The following NAV2 variants were observed in gnomAD, a reference collection of about 807,000 sequenced individuals.
NAV2 encodes neuron navigator 2, also known as helicase, APC down-regulated 1.
NAV2 carries 54 observed loss-of-function variants against 223.2 expected under a neutral mutation model. That is an observed-to-expected ratio of 0.24 (90% confidence interval 0.19 to 0.30). The LOEUF is 0.30. Ranked by LOEUF, NAV2 falls within the 10% of genes least tolerant of loss-of-function variation. The pLI, the probability that NAV2 is intolerant of heterozygous loss-of-function variation, is 1.00. For missense variants in NAV2, 2,806 were observed against 3,147.5 expected (o/e 0.89, Z 2.60); for synonymous variants, 1,279 against 1,239.3 (o/e 1.03, Z -0.67).
chr11:20,065,897 C>T (rs368863317), intron 20 of NAV2, among the ~76,000 whole-genome samples: 3 of 152,154 alleles, frequency 2.0e-5, no homozygotes, highest in African/African-American at 7.2e-5. Context: ...TGGAAAGCCC[C>T]CGTGAGAATG....
intron 1 of NAV2, among the ~76,000 whole-genome samples, chr11:19,615,467 T>C (rs1053082100): frequency 6.6e-6 from 1 of 151,946 alleles, no homozygotes; most frequent in Non-Finnish European, 1.5e-5. Flanking sequence ...CTGTTTTGCG[T>C]TTATTATTGT....
At chr11:19,587,176 C>T (rs1318298948) in intron 1 of NAV2, among the ~76,000 whole-genome samples, 1 of 152,202 alleles carries the variant, frequency 6.6e-6, no homozygotes, top group Non-Finnish European at 1.5e-5. Flanking sequence ...ACCCTCCGAG[C>T]CAGGTGCAGG....
At chr11:19,777,208 C>T (rs1428971081) in intron 1 of NAV2, among the ~76,000 whole-genome samples, 2 of 150,506 alleles carry the variant, frequency 1.3e-5, no homozygotes, top group Admixed American at 1.3e-4. Flanking sequence ...GGGAGGCCGG[C>T]GGGGAGCGAG....
intron 1 of NAV2, among the ~76,000 whole-genome samples, chr11:19,436,215 GT>G (rs1851210686): frequency 6.6e-6 from 1 of 152,052 alleles, no homozygotes; most frequent in Non-Finnish European, 1.5e-5. Flanking sequence ...ATATTTAAGT[GT>G]TTAAGTCTTT....
chr11:20,026,079 C>T (rs1414239203), intron 11 of NAV2, among the ~76,000 whole-genome samples: 5 of 152,134 alleles, frequency 3.3e-5, no homozygotes, highest in Non-Finnish European at 7.3e-5. Flanking sequence ...CAAACACAGA[C>T]CTATTTTCAT....
At chr11:19,885,104 A>G (rs924443356) in intron 5 of NAV2, among the ~76,000 whole-genome samples, 1 of 152,208 alleles carries the variant, frequency 6.6e-6, no homozygotes, top group Non-Finnish European at 1.5e-5. Context: ...TTTTCAAGGT[A>G]TCAACAGCTA....
chr11:19,550,511 C>T (rs779860249), intron 1 of NAV2, among the ~76,000 whole-genome samples: 2 of 152,152 alleles, frequency 1.3e-5, no homozygotes, highest in African/African-American at 2.4e-5. Flanking sequence ...AAAGGCAGAT[C>T]GATACAGGGT....
chr11:19,378,393 G>A (rs1033245391), intron 1 of NAV2, among the ~76,000 whole-genome samples: 1 of 152,142 alleles, frequency 6.6e-6, no homozygotes, highest in Non-Finnish European at 1.5e-5. Context: ...GCTCGGTGGG[G>A]CCTATGGTGC....
intron 1 of NAV2, among the ~76,000 whole-genome samples, chr11:19,483,456 C>T (rs2042342357): frequency 6.6e-6 from 1 of 152,114 alleles, no homozygotes; most frequent in South Asian, 2.1e-4. Flanking sequence ...CCCCAAAGCA[C>T]AAGGGTAGTG....
intron 1 of NAV2, among the ~76,000 whole-genome samples, chr11:19,531,807 A>C (rs2044034876): frequency 6.6e-6 from 1 of 152,184 alleles, no homozygotes; most frequent in Admixed American, 6.5e-5. Context: ...TGACTATAAG[A>C]CCATTATTTT....
intron 10 of NAV2, among the ~76,000 whole-genome samples, chr11:19,980,735 A>G (rs2050220371): frequency 6.6e-6 from 1 of 152,260 alleles, no homozygotes; most frequent in Non-Finnish European, 1.5e-5. Context: ...TTGGTCCAGC[A>G]AACCCAAATT....
At chr11:20,034,870 AAG>A (rs1827350254) in intron 11 of NAV2, among the ~76,000 whole-genome samples, 1 of 152,102 alleles carries the variant, frequency 6.6e-6, no homozygotes, top group African/African-American at 2.4e-5. Context: ...AGTGTTCAGA[AAG>A]AGGGACAAGC....
chr11:20,105,810 C>A, intron 35 of NAV2, 83 bp downstream of exon 35: 1 of 1,072,340 alleles, frequency 9.3e-7, no homozygotes, highest in Non-Finnish European at 1.4e-6. Flanking sequence ...CAGCACTTTG[C>A]AGGCACAGTC....
intron 20 of NAV2, among the ~76,000 whole-genome samples, chr11:20,064,182 G>T (rs1016512397): frequency 1.3e-5 from 2 of 152,172 alleles, no homozygotes; most frequent in Non-Finnish European, 2.9e-5. Flanking sequence ...GATAAACTAT[G>T]TCCTTTCTTC....
In NAV2 at chr11:20,103,267, T is replaced by G. The variant is rs1565078729; in HGVS notation, c.6430T>G (p.Tyr2144Asp). The change falls in exon 33 of 38, where the codon TAC becomes GAC. Residue 2144 changes from tyrosine (Y) to aspartate (D), a missense_variant. By Grantham distance (160) the Tyr-to-Asp change is radical. Transcript: ENST00000349880. ...DHKSSKELRQ[Y>D]LSNLADQCNS... is the part of the protein sequence containing the mutation. Reference sequence around the variant, plus strand: ...CTGGCCACCATAGGAATTGCGCCAGTACCTGTCCAACCTTGCTGACCAGTG... The same window carrying G: ...CTGGCCACCATAGGAATTGCGCCAGGACCTGTCCAACCTTGCTGACCAGTG... 6.2e-7 allele frequency: 1 copy of G among 1,613,556 alleles called. No homozygotes were observed. Among genetic ancestry groups the G allele is most frequent in the Non-Finnish European group, 8.5e-7 (1 of 1,179,686 alleles).
chr11:19,920,229 G>A (rs956475282), intron 6 of NAV2, among the ~76,000 whole-genome samples: 1 of 152,178 alleles, frequency 6.6e-6, no homozygotes, highest in African/African-American at 2.4e-5. Context: ...CTGAGCTGCA[G>A]TAAATCCACT....
At chr11:19,497,733 C>T (rs1279326392) in intron 1 of NAV2, among the ~76,000 whole-genome samples, 2 of 152,004 alleles carry the variant, frequency 1.3e-5, no homozygotes, top group Non-Finnish European at 2.9e-5. Context: ...AAGCCACAGA[C>T]AGAAAATGGA....
intron 11 of NAV2, among the ~76,000 whole-genome samples, chr11:20,001,545 ACT>A (rs1288765649): frequency 6.6e-6 from 1 of 151,538 alleles, no homozygotes; most frequent in Non-Finnish European, 1.5e-5. Context: ...TGTTTTTCTC[ACT>A]CTCAGGACTG....
intron 3 of NAV2, among the ~76,000 whole-genome samples, chr11:19,867,224 A>G (rs2062151294): frequency 1.3e-5 from 2 of 152,188 alleles, no homozygotes; most frequent in Admixed American, 1.3e-4. Context: ...ACTCCCAGCC[A>G]GTATTGTGTT....
Sources: allele counts gnomAD v4.1 joint callset (sites outside exome capture counted in the v4.1 genomes callset), GRCh38; gene constraint gnomAD v4.1.1; transcripts MANE v1.5; gene names NCBI Gene and HGNC (gene_info 2026-07-23, HGNC 2026-07-21).